MARF1: variants seen among roughly 807,000 people sequenced by gnomAD.
The protein encoded by MARF1 is meiosis regulator and mRNA stability factor 1, also known as limkain-b1.
A neutral mutation model predicts 168.2 loss-of-function variants in MARF1; 24 were observed. That is an observed-to-expected ratio of 0.14 (90% CI 0.10 to 0.20). MARF1 has a LOEUF of 0.20. MARF1 is among the 10% of genes least tolerant of loss of function. The probability of loss-of-function intolerance (pLI) is 1.00; values close to 1 mark genes in which losing one functional copy is unlikely to be tolerated. For missense variants in MARF1, 1,744 were observed against 2,143.6 expected (o/e 0.81, Z 3.68); for synonymous variants, 868 against 822.4 (o/e 1.06, Z -0.95).
At chr16:15,637,676 C>A (rs1286603292) in intron 2 of MARF1, among the ~76,000 whole-genome samples, 1 of 152,196 alleles carries the variant, frequency 6.6e-6, no homozygotes, top group African/African-American at 2.4e-5. Context: ...CCGTGTAATT[C>A]TGAATTGTGT....
intron 5 of MARF1, among the ~76,000 whole-genome samples, chr16:15,631,849 T>A (rs1391380737): frequency 6.6e-6 from 1 of 152,196 alleles, no homozygotes; most frequent in Non-Finnish European, 1.5e-5. Context: ...CATGCACTGT[T>A]TGGTTTTCTG....
chr16:15,634,010 C>G (rs1484105579), intron 4 of MARF1, among the ~76,000 whole-genome samples, 167 bp from the exon 5 acceptor site: 1 of 152,140 alleles, frequency 6.6e-6, no homozygotes, highest in Admixed American at 6.5e-5. Flanking sequence ...AGCAATCAAG[C>G]TGTCAAAAAG....
In MARF1 at chr16:15,636,352, G is replaced by T. The variant is rs2035599816; in HGVS notation, c.145-10C>A. On this transcript the variant is annotated splice_polypyrimidine_tract_variant and intron_variant, in intron 2 of 26. Transcript: ENST00000396368. The stretch of plus-strand genomic sequence containing the variant: ...TCTCCATGTACTCTTTCTGAGAAAA[G>T]AAAATCAGAACATAAATTAATTTTA... 2 of 1,520,752 alleles carry T rather than the reference G, an allele frequency of 1.3e-6. No homozygotes were observed. Among genetic ancestry groups the T allele is most frequent in the Non-Finnish European group, 8.8e-7 (1 of 1,134,602 alleles). The allele number at this position is 1,520,752 out of a possible 1,614,324, so 94.2% of individuals were successfully genotyped here.
chr16:15,626,347 C>G (rs542936648), intron 7 of MARF1, among the ~76,000 whole-genome samples: 5 of 152,250 alleles, frequency 3.3e-5, no homozygotes, highest in African/African-American at 1.2e-4. Flanking sequence ...TTATTGTACA[C>G]TTAAAAGAGC....
rs2033227373 is a variant in MARF1 at position 15,608,536 on chromosome 16, G to A, written c.3955-18C>T. 1 of 1,557,970 alleles carries A rather than the reference G, an allele frequency of 6.4e-7. No individual in the cohort carries two copies. The highest frequency in any genetic ancestry group is 1.1e-5 in the South Asian group (1 of 89,650). ...TCCAATACCTTTGAAAACACACGGG[G>A]GGAGGAAAGGGAAAATAAACAAATC... On this transcript the variant is annotated intron_variant, in intron 20 of 26. Transcript: ENST00000396368.
intron 15 of MARF1, among the ~76,000 whole-genome samples, chr16:15,616,479 C>T (rs1010434319): frequency 6.6e-6 from 1 of 152,230 alleles, no homozygotes; most frequent in African/African-American, 2.4e-5. Context: ...TACATCTCCC[C>T]TCTGTGGAAG....
In MARF1 at chr16:15,639,190, C is replaced by T; in HGVS notation, c.44G>A (p.Arg15His). Residue 15 changes from arginine (R) to histidine (H), a missense_variant, in exon 2 of 27, where the codon CGT becomes CAT. Physicochemically the swap from Arg to His is conservative, Grantham distance 29 (BLOSUM62 0). Transcript: ENST00000396368. ...ATCATTATCTTGTTGAAGCCATCCA[C>T]GTGTTCTACTGCAGGAGTTCTCAGT... Reference protein sequence around the residue: ...NGTENSCSRTRGWLQQDNDAK... With the variant: ...NGTENSCSRTHGWLQQDNDAK... The T allele has an allele frequency of 1.9e-6, 3 of 1,614,150 alleles. No individual in the cohort carries two copies. Among genetic ancestry groups the T allele is most frequent in the Non-Finnish European group, 2.5e-6 (3 of 1,180,000 alleles).
chr16:15,628,074 T>G (rs971055118), intron 7 of MARF1, among the ~76,000 whole-genome samples: 3 of 152,138 alleles, frequency 2.0e-5, no homozygotes, highest in Admixed American at 2.0e-4. Context: ...AAACAAAATG[T>G]CCACTAACAG....
rs368220990 is a variant in MARF1 at position 15,617,488 on chromosome 16, G to A, written c.2768C>T (p.Thr923Met). 4.0e-5 allele frequency: 64 copies of A among 1,613,548 alleles called. 1 individual carries two copies. Among genetic ancestry groups the A allele is most frequent in the African/African-American group, 6.7e-5 (5 of 74,904 alleles). Residue 923 changes from threonine to methionine, a missense_variant, in exon 14 of 27, where the codon ACG (threonine) becomes ATG (methionine). Transcript: ENST00000396368. Reference protein sequence around the residue: ...NVSDLYKLTDTVAIREQGNGR... With the variant: ...NVSDLYKLTDMVAIREQGNGR... ...GTTTCCTTGTTCACGGATTGCGACC[G>A]TGTCTGTTAATTTATATAGATCTGA...
intron 18 of MARF1, 113 bp from the exon 19 acceptor site, chr16:15,611,221 G>C: frequency 1.0e-6 from 1 of 995,872 alleles, no homozygotes; most frequent in South Asian, 1.5e-5. Context: ...CACTTTGGGA[G>C]GCCGAGGTGG....
chr16:15,616,249 A>G (rs2034034642), intron 15 of MARF1, among the ~76,000 whole-genome samples: 1 of 152,094 alleles, frequency 6.6e-6, no homozygotes, highest in Non-Finnish European at 1.5e-5. Flanking sequence ...AAATAGGGCA[A>G]CTGGGCTCCA....
At chr16:15,623,600 C>T (rs546205218) in intron 10 of MARF1, among the ~76,000 whole-genome samples, 1 of 152,164 alleles carries the variant, frequency 6.6e-6, no homozygotes, top group South Asian at 2.1e-4. Flanking sequence ...ATCTTAAATA[C>T]ACATTGATTT....
intron 2 of MARF1, among the ~76,000 whole-genome samples, chr16:15,638,887 C>T (rs1044143816): frequency 1.3e-5 from 2 of 152,164 alleles, no homozygotes; most frequent in Non-Finnish European, 2.9e-5. Flanking sequence ...AAGGCATCTA[C>T]TGTTACTCAA....
At chr16:15,602,337 T>C in intron 22 of MARF1, 134 bp from the exon 23 acceptor site, 1 of 685,936 alleles carries the variant, frequency 1.5e-6, no homozygotes, top group Non-Finnish European at 2.5e-6. Context: ...GCAACGAAGA[T>C]GAGAAGATGA....
At chr16:15,603,238 G>A (rs540707422) in intron 22 of MARF1, among the ~76,000 whole-genome samples, 51 of 152,238 alleles carry the variant, frequency 3.4e-4, no homozygotes, top group African/African-American at 1.2e-3. Flanking sequence ...ATCTTATTTA[G>A]GATCATTTTA....
Position 15,611,653 on chromosome 16 carries a change from G to C in MARF1, c.3556C>G (p.Leu1186Val). The change falls in exon 18 of 27, where the codon CTT becomes GTT. Residue 1186 changes from leucine (L) to valine (V), a missense_variant. Physicochemically the swap from Leu to Val is conservative, Grantham distance 32 (BLOSUM62 1). Coordinates refer to ENST00000396368, the MANE Select transcript of MARF1 (RefSeq NM_014647.4). ...TGTTTGCTGGCCTGGGATTTGAGAA[G>C]TTTTAGTAAATCCTGAGTAAAGCGC... ...VKRFTQDLLK[L>V]LKSQASKQVI... is the part of the protein sequence containing the mutation. The C allele has an allele frequency of 6.2e-7, 1 of 1,614,114 alleles. No individual in the cohort carries two copies. Among genetic ancestry groups the C allele is most frequent in the Non-Finnish European group, 8.5e-7 (1 of 1,179,982 alleles).
rs1193933686 is a variant in MARF1 at position 15,617,391 on chromosome 16, G to A, written c.2865C>T (p.Asp955=). ...TTGGGCTGCAATTCGTGGAGGAGCCGTCGTGTGACTGGGAAGACCCCAAGG... is the reference window on the plus strand; with the variant it reads ...TTGGGCTGCAATTCGTGGAGGAGCCATCGTGTGACTGGGAAGACCCCAAGG... The part of the protein sequence containing the change: ...QSPLGSSQSH[D]GSSTNCSPII... Residue 955 remains aspartate, a synonymous_variant, in exon 14 of 27, where the codon GAC becomes GAT. Transcript: ENST00000396368. 11 of 1,613,982 alleles carry A rather than the reference G, an allele frequency of 6.8e-6. No homozygotes were observed. The highest frequency in any genetic ancestry group is 7.6e-6 in the Non-Finnish European group (9 of 1,180,012).
intron 21 of MARF1, among the ~76,000 whole-genome samples, chr16:15,607,124 G>A (rs2033086411): frequency 6.6e-6 from 1 of 152,176 alleles, no homozygotes; most frequent in Non-Finnish European, 1.5e-5. Context: ...GCTCAGGGAT[G>A]TTCGGCTCTC....
chr16:15,637,586 C>T (rs573849450), intron 2 of MARF1, among the ~76,000 whole-genome samples: 2 of 152,308 alleles, frequency 1.3e-5, no homozygotes, highest in East Asian at 1.9e-4. Flanking sequence ...TACAGGCAGG[C>T]TTACTATGAG....
Sources: gnomAD v4.1 joint callset for allele counts (sites outside exome capture counted in the v4.1 genomes callset) on GRCh38, gnomAD v4.1.1 for gene constraint, MANE v1.5 for transcripts, NCBI Gene and HGNC (gene_info 2026-07-23, HGNC 2026-07-21) for gene names.